The following CCDC148 variants were observed in gnomAD, a reference collection of about 807,000 sequenced individuals.
The protein encoded by CCDC148 is coiled-coil domain containing 148.
Under a neutral mutation model 85.7 loss-of-function variants are expected in CCDC148, and 89 were observed. That is an observed-to-expected ratio of 1.04 (90% CI 0.87 to 1.24). The LOEUF is 1.24. CCDC148 is among the 50% of genes most tolerant of loss of function. CCDC148 has a pLI of 0.00. For synonymous variants in CCDC148, 230 were observed against 213.9 expected, an observed-to-expected ratio of 1.08 and a Z score of -0.66; for missense variants, 692 against 671.7, an observed-to-expected ratio of 1.03 and a Z score of -0.33.
chr2:158,283,175 C>T (rs1201789181), intron 9 of CCDC148, among the ~76,000 whole-genome samples: 1 of 152,134 alleles, frequency 6.6e-6, no homozygotes, highest in East Asian at 1.9e-4. Flanking sequence ...CCATAAAAAC[C>T]CTAGACGAAA....
intron 1 of CCDC148, among the ~76,000 whole-genome samples, chr2:158,415,784 C>T (rs1559130002): frequency 1.3e-5 from 2 of 152,172 alleles, no homozygotes; most frequent in African/African-American, 2.4e-5. Flanking sequence ...TCTAAAATAA[C>T]CTCCTTTGAC....
At chr2:158,280,218 C>T (rs1057399810) in intron 9 of CCDC148, among the ~76,000 whole-genome samples, 2 of 152,188 alleles carry the variant, frequency 1.3e-5, no homozygotes, top group African/African-American at 2.4e-5. Context: ...ACTGCATCAA[C>T]TAATGGGTGA....
At chr2:158,281,668 A>C (rs1034852706) in intron 9 of CCDC148, among the ~76,000 whole-genome samples, 1 of 152,196 alleles carries the variant, frequency 6.6e-6, no homozygotes, top group Non-Finnish European at 1.5e-5. Context: ...CCAGGACCAG[A>C]TGGATTCACA....
At chr2:158,315,653 G>A (rs754014733) in intron 7 of CCDC148, among the ~76,000 whole-genome samples, 7 of 151,600 alleles carry the variant, frequency 4.6e-5, no homozygotes, top group Admixed American at 2.0e-4. Context: ...CACCCACATC[G>A]CCTTTATTAG....
chr2:158,387,395 A>G (rs796896348), intron 1 of CCDC148, among the ~76,000 whole-genome samples: 12 of 152,158 alleles, frequency 7.9e-5, no homozygotes, highest in African/African-American at 2.7e-4. Flanking sequence ...CTATATTTGT[A>G]ACTTCTTTCT....
At chr2:158,229,129 T>G (rs192976141) in intron 10 of CCDC148, among the ~76,000 whole-genome samples, 7 of 152,300 alleles carry the variant, frequency 4.6e-5, no homozygotes, top group Admixed American at 4.6e-4. Context: ...CTCATAATTC[T>G]ATGACTTCCT....
chr2:158,225,063 C>A (rs1378252366), intron 10 of CCDC148, among the ~76,000 whole-genome samples: 2 of 152,168 alleles, frequency 1.3e-5, no homozygotes, highest in African/African-American at 4.8e-5. Flanking sequence ...AAACCCATCT[C>A]ATGTGAAGAG....
intron 1 of CCDC148, among the ~76,000 whole-genome samples, chr2:158,359,675 G>T (rs1393886285): frequency 5.3e-5 from 8 of 152,146 alleles, no homozygotes; most frequent in Non-Finnish European, 1.0e-4. Flanking sequence ...TTTTCCCATG[G>T]TCTTTGCAAC....
chr2:158,454,148 A>C (rs1320193976), intron 1 of CCDC148, among the ~76,000 whole-genome samples: 1 of 152,214 alleles, frequency 6.6e-6, no homozygotes, highest in Non-Finnish European at 1.5e-5. Context: ...AATCTTCAAA[A>C]TCATTTCAGT....
intron 11 of CCDC148, among the ~76,000 whole-genome samples, chr2:158,210,842 C>T (rs1686532543): frequency 6.7e-6 from 1 of 150,096 alleles, no homozygotes; most frequent in South Asian, 2.1e-4. Context: ...GCCCATAGTC[C>T]CAGCTACTTG....
intron 9 of CCDC148, among the ~76,000 whole-genome samples, chr2:158,279,959 G>A (rs1005064248): frequency 6.6e-5 from 10 of 151,714 alleles, no homozygotes; most frequent in East Asian, 1.9e-4. Context: ...AGAAGAGAGT[G>A]GGGGCCAATA....
chr2:158,273,656 T>C (rs1383859723), intron 9 of CCDC148, among the ~76,000 whole-genome samples: 1 of 152,156 alleles, frequency 6.6e-6, no homozygotes, highest in Non-Finnish European at 1.5e-5. Context: ...GCATTCCCTC[T>C]AGTATTTCTG....
At chr2:158,306,976 A>G (rs182822355) in intron 9 of CCDC148, among the ~76,000 whole-genome samples, 96 of 150,928 alleles carry the variant, frequency 6.4e-4, no homozygotes, top group African/African-American at 2.0e-3. Context: ...CTGAGATCAC[A>G]CCACTGCACT....
chr2:158,217,362 T>TTA (rs1686926294), intron 11 of CCDC148, among the ~76,000 whole-genome samples: 3 of 99,052 alleles, frequency 3.0e-5, no homozygotes, highest in Non-Finnish European at 6.2e-5. Context: ...ATATAAAATT[T>TTA]TGTGTGTGTG....
intron 7 of CCDC148, among the ~76,000 whole-genome samples, chr2:158,317,203 C>CA (rs923535383): frequency 1.2e-4 from 18 of 151,338 alleles, no homozygotes; most frequent in South Asian, 2.1e-4. Flanking sequence ...TTGCAATTTA[C>CA]AAAAAAAAAT....
At chr2:158,189,098 T>G (rs969779278) in intron 11 of CCDC148, among the ~76,000 whole-genome samples, 1 of 151,610 alleles carries the variant, frequency 6.6e-6, no homozygotes, top group Non-Finnish European at 1.5e-5. Flanking sequence ...AAATAACAGA[T>G]GTTGACAAGG....
intron 1 of CCDC148, chr2:158,425,015 A>G: frequency 2.5e-6 from 1 of 405,920 alleles, no homozygotes; most frequent in Non-Finnish European, 4.9e-6. Context: ...AAAAAGGAAG[A>G]ACAGGTGCTG....
chr2:158,354,267 CA>C (rs1252678929), intron 2 of CCDC148, among the ~76,000 whole-genome samples: 3 of 151,876 alleles, frequency 2.0e-5, no homozygotes, highest in Non-Finnish European at 4.4e-5. Flanking sequence ...AAAAACCCTT[CA>C]AAAAATTAAT....
chr2:158,378,834 G>A (rs1457163999), intron 1 of CCDC148, among the ~76,000 whole-genome samples: 1 of 152,130 alleles, frequency 6.6e-6, no homozygotes, highest in Non-Finnish European at 1.5e-5. Flanking sequence ...TTACTGCTCA[G>A]AAGAAAAGAT....
Sources: gnomAD v4.1 joint callset for allele counts (sites outside exome capture counted in the v4.1 genomes callset) on GRCh38, gnomAD v4.1.1 for gene constraint, MANE v1.5 for transcripts, NCBI Gene and HGNC (gene_info 2026-07-23, HGNC 2026-07-21) for gene names.